The following PIK3CA variants were observed in gnomAD, a reference collection of about 807,000 sequenced individuals.
PIK3CA encodes the protein phosphatidylinositol-4,5-bisphosphate 3-kinase catalytic subunit alpha.
PIK3CA carries 27 observed loss-of-function variants against 138.2 expected under a neutral mutation model. The ratio of observed to expected loss-of-function variants is 0.20; its 90% CI spans 0.14 to 0.27. The LOEUF (loss-of-function observed/expected upper bound fraction) is 0.27. PIK3CA is among the 10% of genes least tolerant of loss of function. The pLI is 1.00. For missense variants in PIK3CA, 544 were observed against 1,277.4 expected, an observed-to-expected ratio of 0.43 and a Z score of 8.75; for synonymous variants, 358 against 413.2, an observed-to-expected ratio of 0.87 and a Z score of 1.62.
chr3:179,175,532 T>A (rs1487706758), intron 1 of PIK3CA, among the ~76,000 whole-genome samples: 1 of 152,186 alleles, frequency 6.6e-6, no homozygotes, highest in African/African-American at 2.4e-5. Flanking sequence ...TATCCTTGCC[T>A]TTTTTGGTAG....
In PIK3CA at chr3:179,224,206, C is replaced by T. The variant is rs200927453; in HGVS notation, c.2294+19C>T. The T allele has an allele frequency of 3.6e-5, 42 of 1,177,578 alleles. No homozygotes were observed. Among genetic ancestry groups the T allele is most frequent in the Non-Finnish European group, 5.0e-5 (40 of 807,634 alleles). 72.9% of individuals were successfully genotyped at this position (1,177,578 alleles called of 1,614,324 possible). Reference sequence around the variant, plus strand: ...ACCTCAGGTACTTTCTTGGGGGTTTCATTGATATATTTAAATAAATACCTT... The same window carrying T: ...ACCTCAGGTACTTTCTTGGGGGTTTTATTGATATATTTAAATAAATACCTT... On this transcript the variant is annotated intron_variant, in intron 15 of 20. Transcript: ENST00000263967.
intron 1 of PIK3CA, among the ~76,000 whole-genome samples, chr3:179,160,901 A>G (rs1723262117): frequency 6.6e-6 from 1 of 151,982 alleles, no homozygotes; most frequent in Non-Finnish European, 1.5e-5. Flanking sequence ...GTTACTAGCT[A>G]CTTAGTACCA....
chr3:179,204,460 T>C, intron 5 of PIK3CA, 43 bp from the exon 6 acceptor site: 2 of 888,970 alleles, frequency 2.2e-6, no homozygotes, highest in Admixed American at 1.8e-5. Context: ...CATATGTGTA[T>C]GTTGAGTGTA....
chr3:179,174,245 C>T (rs1481539437), intron 1 of PIK3CA, among the ~76,000 whole-genome samples: 3 of 151,658 alleles, frequency 2.0e-5, no homozygotes, highest in East Asian at 3.9e-4. Flanking sequence ...CTGAGGTGGG[C>T]GGGTCATGAG....
Position 179,148,386 on chromosome 3 carries a change from G to A in PIK3CA, c.-294G>A, listed in dbSNP as rs1722908270. 6.6e-6 allele frequency: 1 copy of A among 151,556 alleles called. No homozygotes were observed. The highest frequency in any genetic ancestry group is 2.4e-5 in the African/African-American group (1 of 41,358). The allele number at this position is 151,556 out of a possible 1,614,324, so 9.4% of individuals were successfully genotyped here. On this transcript the variant is annotated 5_prime_UTR_variant, in exon 1 of 21. Coordinates refer to ENST00000263967, the MANE Select transcript of PIK3CA (RefSeq NM_006218.4). ...CCGGTGCCGCCGCTGCGGCCGCTGAGGTGTCGGGCTGCTGCTGCCGCGGCC... is the reference window on the plus strand; with the variant it reads ...CCGGTGCCGCCGCTGCGGCCGCTGAAGTGTCGGGCTGCTGCTGCCGCGGCC...
In PIK3CA at chr3:179,201,534, G is replaced by A. The variant is rs1724409457; in HGVS notation, c.807G>A (p.Gln269=). ...EYFLEKYPLS[Q]YKYIRSCIML... Reference sequence around the variant, plus strand: ...TCCTAGAAAAATATCCTCTGAGTCAGTATAAGGTGAGTAACAAGTTTCAAA... The same window carrying A: ...TCCTAGAAAAATATCCTCTGAGTCAATATAAGGTGAGTAACAAGTTTCAAA... Residue 269 remains glutamine, a synonymous_variant, in exon 4 of 21, where the codon CAG becomes CAA. Coordinates refer to ENST00000263967, the MANE Select transcript of PIK3CA (RefSeq NM_006218.4). The A allele has an allele frequency of 4.4e-6, 7 of 1,577,126 alleles. No individual in the cohort carries two copies. The highest frequency in any genetic ancestry group is 6.1e-6 in the Non-Finnish European group (7 of 1,156,182).
intron 1 of PIK3CA, among the ~76,000 whole-genome samples, chr3:179,175,933 G>A (rs1723686834): frequency 6.6e-6 from 1 of 152,148 alleles, no homozygotes; most frequent in African/African-American, 2.4e-5. Flanking sequence ...GTGAAAAGCT[G>A]ACCGAAAGCT....
intron 1 of PIK3CA, among the ~76,000 whole-genome samples, chr3:179,152,959 C>T (rs925037640): frequency 6.6e-6 from 1 of 152,076 alleles, no homozygotes; most frequent in Non-Finnish European, 1.5e-5. Context: ...AACTGATGAA[C>T]TTACACTGTC....
At chr3:179,233,978 A>C (rs1026844144) in intron 20 of PIK3CA, 116 bp from the exon 21 acceptor site, 4 of 675,734 alleles carry the variant, frequency 5.9e-6, no homozygotes, top group Non-Finnish European at 1.0e-5. Flanking sequence ...GAGGAATGCT[A>C]TTTTTTTATA....
rs1725308030 is a variant in PIK3CA at position 179,235,137 on chromosome 3, AT to A, written c.*774del. On this transcript the variant is annotated 3_prime_UTR_variant, in exon 21 of 21. Transcript: ENST00000263967. Reference sequence around the variant, plus strand: ...TCCCACAAAGTAAAAAAAAAAAAAAATCATAGAAAAAGAATGAGCAGGAATA... The same window carrying A: ...TCCCACAAAGTAAAAAAAAAAAAAAACATAGAAAAAGAATGAGCAGGAATA... 1 of 187,906 alleles carries A rather than the reference AT, an allele frequency of 5.3e-6. No homozygotes were observed. The highest frequency in any genetic ancestry group is 1.1e-5 in the Non-Finnish European group (1 of 89,748). The allele number at this position is 187,906 out of a possible 1,614,324, so 11.6% of individuals were successfully genotyped here.
chr3:179,231,209 G>C (rs1725202809), intron 20 of PIK3CA, among the ~76,000 whole-genome samples: 2 of 152,164 alleles, frequency 1.3e-5, no homozygotes, highest in African/African-American at 4.8e-5. Context: ...ATTGGTCAGT[G>C]GGTACTTAAC....
At chr3:179,202,014 A>G (rs1724424161) in intron 4 of PIK3CA, among the ~76,000 whole-genome samples, 1 of 152,164 alleles carries the variant, frequency 6.6e-6, no homozygotes, top group Non-Finnish European at 1.5e-5. Context: ...AAATGTTGGC[A>G]GTTACTCCAG....
intron 1 of PIK3CA, among the ~76,000 whole-genome samples, chr3:179,181,400 C>T (rs547166537): frequency 2.6e-5 from 4 of 151,804 alleles, no homozygotes; most frequent in Non-Finnish European, 5.9e-5. Context: ...TTATTTAGAT[C>T]TTAGTGCTAA....
At chr3:179,180,513 A>T (rs1350409902) in intron 1 of PIK3CA, among the ~76,000 whole-genome samples, 1 of 152,160 alleles carries the variant, frequency 6.6e-6, no homozygotes, top group Non-Finnish European at 1.5e-5. Context: ...TCAGTCCTGC[A>T]TATGAGAACT....
rs370692448 is a variant in PIK3CA at position 179,219,274 on chromosome 3, C to A, written c.1743C>A (p.Ala581=). 6 of 1,570,546 alleles carry A rather than the reference C, an allele frequency of 3.8e-6. No homozygotes were observed. The African/African-American group carries it at 6.8e-5, about 18-fold the overall frequency. The stretch of plus-strand genomic sequence containing the variant: ...AATGGAATTCTAGAGATGAAGTAGC[C>A]CAGGTAAATGTATGTTTGAGATTAC... ...SVKWNSRDEV[A]QMYCLVKDWP... Residue 581 remains alanine, a synonymous_variant, in exon 11 of 21, where the codon GCC becomes GCA. Coordinates refer to ENST00000263967, the MANE Select transcript of PIK3CA (RefSeq NM_006218.4). This position sits in a 1 kb window ranked among gnomAD's most constrained non-coding sequence, Gnocchi z 4.2.
chr3:179,197,881 A>G (rs1335496571), intron 1 of PIK3CA, among the ~76,000 whole-genome samples: 1 of 152,194 alleles, frequency 6.6e-6, no homozygotes, highest in Non-Finnish European at 1.5e-5. Flanking sequence ...GTTGATGTCT[A>G]AAAAAATTAA....
At chr3:179,192,106 C>T (rs2108379727) in intron 1 of PIK3CA, among the ~76,000 whole-genome samples, 1 of 152,198 alleles carries the variant, frequency 6.6e-6, no homozygotes, top group East Asian at 1.9e-4. Context: ...CTGTACTCTG[C>T]CTTGGAAATA....
chr3:179,225,910 C>T, intron 16 of PIK3CA, 52 bp from the exon 17 acceptor site: 1 of 903,874 alleles, frequency 1.1e-6, no homozygotes, highest in Admixed American at 1.7e-5. Flanking sequence ...GGCGTGATCC[C>T]CAAATTTGCA....
In PIK3CA at chr3:179,204,890, G is replaced by A. The variant is rs113015030; in HGVS notation, c.1145+302G>A. 1.5e-3 allele frequency among the ~76,000 whole-genome samples: 222 copies of A among 151,330 alleles called. 2 individuals carry two copies. The East Asian group carries it at 0.033, about 23-fold the overall frequency. ...AAAAACATTAGCCGGGCGTGGTGGCGGGCACCTGTAATCCCAGCTACTTGG... is the reference window on the plus strand; with the variant it reads ...AAAAACATTAGCCGGGCGTGGTGGCAGGCACCTGTAATCCCAGCTACTTGG... On this transcript the variant is annotated intron_variant, in intron 6 of 20. Transcript: ENST00000263967.
Sources: allele counts gnomAD v4.1 joint callset (sites outside exome capture counted in the v4.1 genomes callset), GRCh38; gene constraint gnomAD v4.1.1; non-coding constraint Gnocchi (gnomAD v3.1); transcripts MANE v1.5; gene names NCBI Gene and HGNC (gene_info 2026-07-23, HGNC 2026-07-21).